Variants in MTSS1 observed in about 807,000 individuals in gnomAD.
MTSS1 encodes the protein protein MTSS 1.
MTSS1 carries 18 observed loss-of-function variants against 79.0 expected under a neutral mutation model. That is an observed-to-expected ratio of 0.23 (90% confidence interval 0.16 to 0.34). MTSS1 has a LOEUF of 0.34. Ranked by LOEUF, MTSS1 falls within the 10% of genes least tolerant of loss-of-function variation. The probability of loss-of-function intolerance (pLI) is 1.00; values close to 1 mark genes in which losing one functional copy is unlikely to be tolerated. For synonymous variants in MTSS1, 341 were observed against 368.6 expected, an observed-to-expected ratio of 0.93 and a Z score of 0.86; for missense variants, 815 against 986.2, an observed-to-expected ratio of 0.83 and a Z score of 2.33.
chr8:124,728,246 C>T lies in MTSS1; in HGVS notation c.-291G>A. 3.5e-6 allele frequency: 1 copy of T among 286,340 alleles called. No homozygotes were observed. Among genetic ancestry groups the T allele is most frequent in the East Asian group, 6.0e-5 (1 of 16,706 alleles). The allele number at this position is 286,340 out of a possible 1,614,324, so 17.7% of individuals were successfully genotyped here. On this transcript the variant is annotated 5_prime_UTR_variant, in exon 1 of 14. Coordinates refer to ENST00000518547, the MANE Select transcript of MTSS1 (RefSeq NM_014751.6). The surrounding 1 kb of genome is among the most constrained non-coding windows in gnomAD (Gnocchi z 6.1). ...TGACAATCAGGCCACCACTGGTGCC[C>T]ACTACGGAAACGGCAAAGCCCATCT...
At chr8:124,676,306 C>T (rs937565743) in intron 3 of MTSS1, among the ~76,000 whole-genome samples, 6 of 152,174 alleles carry the variant, frequency 3.9e-5, no homozygotes, top group Non-Finnish European at 8.8e-5. Context: ...AAAGTAAAGA[C>T]ACTGCAGGGA....
chr8:124,659,017 T>G (rs114860526), intron 3 of MTSS1, among the ~76,000 whole-genome samples: 8,644 of 152,300 alleles, frequency 0.057, 272 homozygotes, highest in Middle Eastern at 0.15. Context: ...TTGCATTATT[T>G]CAAATGAATC....
chr8:124,719,205 G>A (rs562255442), intron 1 of MTSS1, among the ~76,000 whole-genome samples: 4 of 152,290 alleles, frequency 2.6e-5, no homozygotes, highest in East Asian at 3.8e-4. Flanking sequence ...GCTTAACCGC[G>A]CAGCACCTCA....
chr8:124,557,553 A>G (rs1158388786), intron 11 of MTSS1, 128 bp downstream of exon 11: 2 of 1,016,314 alleles, frequency 2.0e-6, no homozygotes, highest in Non-Finnish European at 2.8e-6. Flanking sequence ...AGGGAGAGGC[A>G]TTATGGGGAA....
At chr8:124,714,875 C>T (rs1303880053) in intron 1 of MTSS1, among the ~76,000 whole-genome samples, 2 of 152,198 alleles carry the variant, frequency 1.3e-5, no homozygotes, top group Non-Finnish European at 2.9e-5. Flanking sequence ...AATACAGGGG[C>T]TGGCTGCTTT....
At chr8:124,624,689 T>C (rs1814303564) in intron 3 of MTSS1, among the ~76,000 whole-genome samples, 1 of 152,198 alleles carries the variant, frequency 6.6e-6, no homozygotes, top group African/African-American at 2.4e-5. Context: ...CCCTGCACCA[T>C]GCCAGCCACG....
intron 3 of MTSS1, among the ~76,000 whole-genome samples, chr8:124,629,522 A>AG (rs1554682598): frequency 3.2e-4 from 47 of 144,626 alleles, no homozygotes; most frequent in African/African-American, 7.7e-4. Context: ...AAAAAAAAAA[A>AG]AAAAGAAAAG....
At chr8:124,654,724 C>T (rs189679213) in intron 3 of MTSS1, among the ~76,000 whole-genome samples, 273 of 152,280 alleles carry the variant, frequency 1.8e-3, no homozygotes, top group African/African-American at 6.4e-3. Context: ...GAGGGTGTAA[C>T]TCACATGACT....
At chr8:124,608,492 G>A (rs140367251) in intron 3 of MTSS1, among the ~76,000 whole-genome samples, 1 of 152,324 alleles carries the variant, frequency 6.6e-6, no homozygotes, top group Admixed American at 6.5e-5. Flanking sequence ...AACCAGTAGG[G>A]TCTGGTTTAT....
At chr8:124,700,706 G>A (rs990695003) in intron 2 of MTSS1, among the ~76,000 whole-genome samples, 5 of 152,248 alleles carry the variant, frequency 3.3e-5, no homozygotes, top group Non-Finnish European at 5.9e-5. Context: ...GGTTCCAAGA[G>A]TCATGACCTA....
chr8:124,724,297 G>C (rs1833364682), intron 1 of MTSS1, among the ~76,000 whole-genome samples: 1 of 152,132 alleles, frequency 6.6e-6, no homozygotes, highest in African/African-American at 2.4e-5. Context: ...CTAATTTTAG[G>C]CAGAACTTAG....
At chr8:124,673,015 T>G (rs1587729217) in intron 3 of MTSS1, among the ~76,000 whole-genome samples, 1 of 152,138 alleles carries the variant, frequency 6.6e-6, no homozygotes. Flanking sequence ...TTGCAAGCCA[T>G]GAGGATTTCC....
At chr8:124,578,579 G>T (rs866820229) in intron 6 of MTSS1, among the ~76,000 whole-genome samples, 1 of 151,936 alleles carries the variant, frequency 6.6e-6, no homozygotes, top group African/African-American at 2.4e-5. Context: ...AGGATCACCC[G>T]AGGTCAGGAG....
intron 6 of MTSS1, among the ~76,000 whole-genome samples, chr8:124,583,699 C>T (rs566079426): frequency 9.2e-5 from 14 of 152,276 alleles, no homozygotes; most frequent in African/African-American, 3.1e-4. Context: ...TTCCCTGGAC[C>T]ACCTCTCCCA....
intron 3 of MTSS1, among the ~76,000 whole-genome samples, chr8:124,631,639 A>C (rs1815975336): frequency 6.6e-6 from 1 of 152,032 alleles, no homozygotes; most frequent in Non-Finnish European, 1.5e-5. Flanking sequence ...TAGTCCACTC[A>C]CTTCACTCCC....
At chr8:124,571,501 C>T (rs1391231466) in intron 6 of MTSS1, among the ~76,000 whole-genome samples, 1 of 152,174 alleles carries the variant, frequency 6.6e-6, no homozygotes, top group East Asian at 1.9e-4. Flanking sequence ...GTCTCTCGAT[C>T]TATTCTATGA....
intron 3 of MTSS1, among the ~76,000 whole-genome samples, chr8:124,596,307 TAA>T (rs149657258): frequency 0.019 from 2,890 of 152,374 alleles, 98 homozygotes; most frequent in African/African-American, 0.066. Context: ...AAAAGAAATC[TAA>T]GTTGGTCACT....
intron 1 of MTSS1, among the ~76,000 whole-genome samples, chr8:124,704,511 C>G (rs1830136108): frequency 6.6e-6 from 1 of 152,174 alleles, no homozygotes; most frequent in Non-Finnish European, 1.5e-5. Flanking sequence ...CCACCCTGAA[C>G]CACTTGTTCA....
At chr8:124,580,528 G>A (rs1829839316) in intron 6 of MTSS1, 1 of 1,535,972 alleles carries the variant, frequency 6.5e-7, no homozygotes, top group Non-Finnish European at 8.7e-7. Context: ...GCAGCCACCA[G>A]AGATTTGGGA....
Sources: allele counts gnomAD v4.1 joint callset (sites outside exome capture counted in the v4.1 genomes callset), GRCh38; gene constraint gnomAD v4.1.1; non-coding constraint Gnocchi (gnomAD v3.1); transcripts MANE v1.5; gene names NCBI Gene and HGNC (gene_info 2026-07-23, HGNC 2026-07-21).